Variants in PSMA8 observed in about 807,000 individuals in gnomAD.
PSMA8 encodes the protein proteasome subunit alpha-type 8.
In PSMA8, 18 loss-of-function variants were observed where a neutral mutation model predicts 32.4. The ratio of observed to expected loss-of-function variants is 0.56; its 90% CI spans 0.38 to 0.82. PSMA8 has a LOEUF of 0.82. PSMA8 is among the 40% of genes least tolerant of loss of function. The pLI, the probability that PSMA8 is intolerant of heterozygous loss-of-function variation, is 0.00. For synonymous variants in PSMA8, 104 were observed against 98.1 expected, an observed-to-expected ratio of 1.06 and a Z score of -0.36; for missense variants, 298 against 300.7, an observed-to-expected ratio of 0.99 and a Z score of 0.07.
At chr18:26,171,405 G>A in intron 4 of PSMA8, 2 of 1,080,900 alleles carry the variant, frequency 1.9e-6, no homozygotes, top group Non-Finnish European at 2.7e-6. Context: ...ACGTGTAATG[G>A]GCTTATTTTT....
At position 26,193,034 on chromosome 18, in the gene PSMA8, T is replaced by A. The variant is rs918326560; in HGVS notation, c.*623T>A. ...TATAGGCTGAATTCAAACATGCAAT[T>A]AAAGCATGGGAAGAGCTTCTAAGGG... On this transcript the variant is annotated 3_prime_UTR_variant, in exon 7 of 7. Coordinates refer to ENST00000415576, the MANE Select transcript of PSMA8 (RefSeq NM_001025096.2). The A allele has an allele frequency of 2.0e-5, 3 of 152,220 alleles. No individual in the cohort carries two copies. Among genetic ancestry groups the A allele is most frequent in the African/African-American group, 4.8e-5 (2 of 41,470 alleles). 9.4% of individuals were successfully genotyped at this position (152,220 alleles called of 1,614,324 possible). A position where few individuals can be genotyped will look rare whatever the true frequency, so the allele number is the denominator to read the frequency against.
intron 1 of PSMA8, among the ~76,000 whole-genome samples, chr18:26,136,588 T>C (rs2054913236): frequency 6.6e-6 from 1 of 152,220 alleles, no homozygotes; most frequent in Non-Finnish European, 1.5e-5. Flanking sequence ...TTGTCCTCTA[T>C]AATGAAGCCT....
intron 6 of PSMA8, among the ~76,000 whole-genome samples, chr18:26,186,446 A>G (rs2055355463): frequency 1.3e-5 from 2 of 152,040 alleles, no homozygotes; most frequent in South Asian, 4.2e-4. Context: ...CATAAGATAT[A>G]AGAAATTTAC....
At chr18:26,149,368 TGTCAATA>T (rs2055027787) in intron 2 of PSMA8, among the ~76,000 whole-genome samples, 1 of 152,218 alleles carries the variant, frequency 6.6e-6, no homozygotes, top group African/African-American at 2.4e-5. Flanking sequence ...ATTATTAACA[TGTCAATA>T]TTATCCAAAG....
At position 26,192,419 on chromosome 18, in the gene PSMA8, G is replaced by C; in HGVS notation, c.*8G>C. On this transcript the variant is annotated 3_prime_UTR_variant, in exon 7 of 7. Transcript: ENST00000415576. ...TCAAAGAAATCTGTCTAATTCTTAG[G>C]ATGACCACTGGGAGGTCTTAATGTT... 3 of 1,523,224 alleles carry C rather than the reference G, an allele frequency of 2.0e-6. No homozygotes were observed. The highest frequency in any genetic ancestry group is 8.7e-7 in the Non-Finnish European group (1 of 1,148,074). 94.4% of individuals were successfully genotyped at this position (1,523,224 alleles called of 1,614,324 possible). A position where few individuals can be genotyped will look rare whatever the true frequency, so the allele number is the denominator to read the frequency against.
chr18:26,184,037 T>C (rs1295032674), intron 6 of PSMA8, among the ~76,000 whole-genome samples: 1 of 150,754 alleles, frequency 6.6e-6, no homozygotes, highest in Non-Finnish European at 1.5e-5. Flanking sequence ...ATATGTTGAT[T>C]TTTTTAGACA....
chr18:26,148,093 C>T (rs1299132127), intron 2 of PSMA8, among the ~76,000 whole-genome samples: 1 of 152,168 alleles, frequency 6.6e-6, no homozygotes, highest in Non-Finnish European at 1.5e-5. Flanking sequence ...TCCTACCAAA[C>T]ATTTTAATGA....
rs753281908 is a variant in PSMA8, at chr18:26,192,480, AT to A, written c.*73del. The A allele has an allele frequency of 4.2e-5, 61 of 1,453,354 alleles. No individual in the cohort carries two copies. The highest frequency in any genetic ancestry group is 5.1e-5 in the Non-Finnish European group (57 of 1,107,044). The allele number at this position is 1,453,354 out of a possible 1,614,324, so 90.0% of individuals were successfully genotyped here. On this transcript the variant is annotated 3_prime_UTR_variant, in exon 7 of 7. Coordinates refer to ENST00000415576, the MANE Select transcript of PSMA8 (RefSeq NM_001025096.2). ...GTACTGCCTGAGGTTGTTTAGTGAA[AT>A]TTTAGAGGAAAACAGTTATTTTGCA...
intron 4 of PSMA8, among the ~76,000 whole-genome samples, chr18:26,177,238 A>G (rs1040919653): frequency 6.6e-6 from 1 of 152,136 alleles, no homozygotes; most frequent in African/African-American, 2.4e-5. Flanking sequence ...TTGACAAGAG[A>G]TATGTTTGGT....
At chr18:26,164,138 A>G (rs1240091688) in intron 4 of PSMA8, among the ~76,000 whole-genome samples, 2 of 152,212 alleles carry the variant, frequency 1.3e-5, no homozygotes, top group Middle Eastern at 3.2e-3. Flanking sequence ...ATGGTGATGA[A>G]AGCATGACTG....
chr18:26,173,842 C>A (rs6508419), intron 4 of PSMA8, among the ~76,000 whole-genome samples: 16,517 of 152,110 alleles, frequency 0.11, 1,420 homozygotes, highest in African/African-American at 0.22. Context: ...AAGTGTGAGC[C>A]ATCACGCCCG....
At chr18:26,180,177 C>T (rs1411965401) in intron 6 of PSMA8, among the ~76,000 whole-genome samples, 1 of 152,098 alleles carries the variant, frequency 6.6e-6, no homozygotes, top group African/African-American at 2.4e-5. Context: ...CACTTCAACC[C>T]GGGAGGCGGA....
At chr18:26,144,818 T>A (rs1194452086) in intron 2 of PSMA8, 133 bp downstream of exon 2, 1 of 709,608 alleles carries the variant, frequency 1.4e-6, no homozygotes, top group Non-Finnish European at 2.1e-6. Flanking sequence ...TCCTACGTTT[T>A]AAAGCAAATA....
intron 4 of PSMA8, among the ~76,000 whole-genome samples, chr18:26,161,516 C>T (rs910872124): frequency 6.6e-6 from 1 of 152,218 alleles, no homozygotes; most frequent in Non-Finnish European, 1.5e-5. Context: ...GCCAATTCCC[C>T]TACTTCCTCA....
intron 4 of PSMA8, among the ~76,000 whole-genome samples, chr18:26,160,403 T>C (rs1364664839): frequency 6.6e-6 from 1 of 152,244 alleles, no homozygotes; most frequent in Non-Finnish European, 1.5e-5. Context: ...TACATCATGC[T>C]ACTTCCTTTA....
chr18:26,139,538 A>C lies in PSMA8; in HGVS notation c.103-5021A>C, dbSNP rs1328819603. 2.0e-5 allele frequency among the ~76,000 whole-genome samples: 3 copies of C among 152,136 alleles called. 1 individual carries two copies. The highest frequency in any genetic ancestry group is 4.4e-5 in the Non-Finnish European group (3 of 68,032). On this transcript the variant is annotated intron_variant, in intron 1 of 6. Coordinates refer to ENST00000415576, the MANE Select transcript of PSMA8 (RefSeq NM_001025096.2). ...TACATGTTTGAAATTTAAGAGATTG[A>C]TTTTGGCTGGAAATAATAATTTTGA...
chr18:26,152,072 A>G, intron 3 of PSMA8, 90 bp downstream of exon 3: 1 of 895,912 alleles, frequency 1.1e-6, no homozygotes, highest in Non-Finnish European at 1.6e-6. Context: ...TACTCCAACC[A>G]TGTAGTCTAT....
chr18:26,192,508 C>G lies in PSMA8; in HGVS notation c.*97C>G, dbSNP rs2055412627. 1 of 1,345,434 alleles carries G rather than the reference C, an allele frequency of 7.4e-7. No homozygotes were observed. The highest frequency in any genetic ancestry group is 9.7e-7 in the Non-Finnish European group (1 of 1,027,702). 83.3% of individuals were successfully genotyped at this position (1,345,434 alleles called of 1,614,324 possible). On this transcript the variant is annotated 3_prime_UTR_variant, in exon 7 of 7. Transcript: ENST00000415576. ...TTAGAGGAAAACAGTTATTTTGCAGCATTACATGCAGTACTTGTGTGATGT... is the reference window on the plus strand; with the variant it reads ...TTAGAGGAAAACAGTTATTTTGCAGGATTACATGCAGTACTTGTGTGATGT...
intron 2 of PSMA8, 95 bp downstream of exon 2, chr18:26,144,780 CAT>C (rs1352671533): frequency 1.3e-4 from 158 of 1,192,192 alleles, no homozygotes; most frequent in South Asian, 2.8e-4. Flanking sequence ...ATTTATAAAA[CAT>C]GTGGAGTTGT....
Sources: allele counts gnomAD v4.1 joint callset (sites outside exome capture counted in the v4.1 genomes callset), GRCh38; gene constraint gnomAD v4.1.1; transcripts MANE v1.5; gene names NCBI Gene and HGNC (gene_info 2026-07-23, HGNC 2026-07-21).